GNS: variants seen among roughly 807,000 people sequenced by gnomAD.
GNS encodes the protein glucosamine (N-acetyl)-6-sulfatase.
A neutral mutation model predicts 69.7 loss-of-function variants in GNS; 40 were observed. That is an observed-to-expected ratio of 0.57 (90% CI 0.45 to 0.75). The LOEUF is 0.75. GNS is among the 30% of genes least tolerant of loss of function. GNS has a pLI of 0.00. For synonymous variants in GNS, 243 were observed against 251.6 expected, an observed-to-expected ratio of 0.97 and a Z score of 0.32; for missense variants, 565 against 685.5, an observed-to-expected ratio of 0.82 and a Z score of 1.96.
At chr12:64,746,350 C>T (rs918198632) in intron 3 of GNS, 1 of 152,390 alleles carries the variant, frequency 6.6e-6, no homozygotes, top group Non-Finnish European at 1.5e-5. Flanking sequence ...GTTGAACATC[C>T]CAAATCTGAA....
chr12:64,734,579 A>G (rs1275623124), intron 9 of GNS, among the ~76,000 whole-genome samples: 3 of 152,238 alleles, frequency 2.0e-5, no homozygotes, highest in Non-Finnish European at 2.9e-5. Context: ...CCGCTTAGGA[A>G]GTACAAGGAG....
chr12:64,753,602 T>G (rs759779947), intron 1 of GNS, among the ~76,000 whole-genome samples: 10 of 152,240 alleles, frequency 6.6e-5, no homozygotes, highest in Non-Finnish European at 1.2e-4. Flanking sequence ...TGAATGCAGT[T>G]TTAAGTATAT....
intron 10 of GNS, among the ~76,000 whole-genome samples, chr12:64,728,686 C>T (rs1435728290): frequency 1.3e-5 from 2 of 152,182 alleles, no homozygotes; most frequent in African/African-American, 2.4e-5. Context: ...TGTATTTGGA[C>T]TAATGACTCT....
intron 1 of GNS, 83 bp from the exon 2 acceptor site, chr12:64,752,840 C>G (rs1026511181): frequency 2.6e-5 from 20 of 757,578 alleles, no homozygotes; most frequent in African/African-American, 1.9e-4. Context: ...TTTGTTACAT[C>G]TTACTCAATC....
rs1263703439 is a variant in GNS, at chr12:64,728,992, C to T, written c.1164G>A (p.Lys388=). 2.1e-5 allele frequency: 34 copies of T among 1,599,238 alleles called. No homozygotes were observed. Among genetic ancestry groups the T allele is most frequent in the Non-Finnish European group, 2.9e-5 (34 of 1,166,582 alleles). The change falls in exon 10 of 14, where the codon AAG becomes AAA. Residue 388 remains lysine (K), a synonymous_variant. Transcript: ENST00000258145. ...ILDIAGYDLN[K]TQMDGMSLLP... is the part of the protein sequence containing the mutation. ...ATAAGGACATCCCATCCATCTGTGTCTTATTTAGGTCGTAGCCAGCAATGT... is the reference window on the plus strand; with the variant it reads ...ATAAGGACATCCCATCCATCTGTGTTTTATTTAGGTCGTAGCCAGCAATGT...
chr12:64,721,762 TA>T, intron 11 of GNS, 57 bp from the exon 12 acceptor site: 1 of 918,302 alleles, frequency 1.1e-6, no homozygotes, highest in Non-Finnish European at 1.8e-6. Flanking sequence ...AACAAATACC[TA>T]GTTGCCTAGA....
chr12:64,716,766 C>T lies in GNS; in HGVS notation c.1634G>A (p.Arg545Gln), dbSNP rs756752200. 1.1e-5 allele frequency: 17 copies of T among 1,612,792 alleles called. No homozygotes were observed. Among genetic ancestry groups the T allele is most frequent in the Admixed American group, 3.3e-5 (2 of 59,990 alleles). ...CTACAGAAGATGTTTGGAAAATCTT[C>T]GAGTCCTGACACTGCCGCGATTGCT... The part of the protein sequence containing the change: ...MFSNRGSVRT[R>Q]RFSKHLL Residue 545 changes from arginine (R) to glutamine (Q), a missense_variant, in exon 14 of 14, where the codon CGA becomes CAA. Physicochemically the swap from Arg to Gln is conservative, Grantham distance 43. Transcript: ENST00000258145.
At chr12:64,750,409 T>C (rs999148207) in intron 2 of GNS, among the ~76,000 whole-genome samples, 3 of 152,044 alleles carry the variant, frequency 2.0e-5, no homozygotes, top group Admixed American at 6.6e-5. Flanking sequence ...TTGCCCAGGC[T>C]GGTCTCAAAC....
intron 3 of GNS, among the ~76,000 whole-genome samples, chr12:64,746,935 C>G (rs1277760990): frequency 6.6e-6 from 1 of 152,218 alleles, no homozygotes; most frequent in Admixed American, 6.5e-5. Flanking sequence ...ATTAAGATCT[C>G]TAGCAACTAC....
At chr12:64,723,202 G>C (rs1869087381) in intron 10 of GNS, 89 bp from the exon 11 acceptor site, 1 of 815,758 alleles carries the variant, frequency 1.2e-6, no homozygotes, top group African/African-American at 1.7e-5. Context: ...GGACCTGGGA[G>C]TCAAAAGTAA....
intron 9 of GNS, among the ~76,000 whole-genome samples, chr12:64,735,294 CT>C (rs1165436716): frequency 6.6e-6 from 1 of 152,190 alleles, no homozygotes; most frequent in East Asian, 1.9e-4. Context: ...GGCTCTGCTA[CT>C]TTTTGGCTAC....
At chr12:64,733,297 CAA>C (rs961321163) in intron 9 of GNS, among the ~76,000 whole-genome samples, 1,052 of 26,446 alleles carry the variant, frequency 0.04, 7 homozygotes, top group African/African-American at 0.071. Flanking sequence ...GACCCTGTCT[CAA>C]AAAAAAAAAA....
intron 10 of GNS, 121 bp downstream of exon 10, chr12:64,728,835 T>C: frequency 4.5e-6 from 3 of 667,862 alleles, no homozygotes; most frequent in Non-Finnish European, 8.2e-6. Flanking sequence ...CTCCTTCCCA[T>C]CACAAGATTT....
At chr12:64,728,526 A>C (rs2136240330) in intron 10 of GNS, among the ~76,000 whole-genome samples, 4 of 152,352 alleles carry the variant, frequency 2.6e-5, no homozygotes, top group Middle Eastern at 6.8e-3. Flanking sequence ...GTTCACAGAG[A>C]GAGGTCTCCT....
chr12:64,739,336 G>C (rs752406304), intron 8 of GNS, 45 bp downstream of exon 8: 1 of 952,042 alleles, frequency 1.1e-6, no homozygotes, highest in Non-Finnish European at 1.7e-6. Context: ...AAAAAGGAAA[G>C]ACATATTCTC....
chr12:64,719,393 C>T (rs1177796015), intron 13 of GNS, among the ~76,000 whole-genome samples: 2 of 152,184 alleles, frequency 1.3e-5, no homozygotes, highest in Non-Finnish European at 2.9e-5. Context: ...GTTCCTGCCA[C>T]CAGCAGCTCA....
intron 2 of GNS, among the ~76,000 whole-genome samples, chr12:64,749,652 T>G (rs1193289409): frequency 6.6e-6 from 1 of 152,228 alleles, no homozygotes; most frequent in Non-Finnish European, 1.5e-5. Context: ...GCTCATTTTT[T>G]TCCCCCAGGG....
intron 11 of GNS, among the ~76,000 whole-genome samples, chr12:64,722,208 G>C (rs935768528): frequency 6.6e-6 from 1 of 152,024 alleles, no homozygotes; most frequent in African/African-American, 2.4e-5. Flanking sequence ...AGTAGAGATG[G>C]GGTTTCGGCA....
chr12:64,730,490 G>C (rs1869354624), intron 9 of GNS, among the ~76,000 whole-genome samples: 1 of 145,596 alleles, frequency 6.9e-6, no homozygotes, highest in African/African-American at 2.5e-5. Flanking sequence ...CAGGTTTCCT[G>C]ATGGCCAGGA....
Sources: gnomAD v4.1 joint callset for allele counts (sites outside exome capture counted in the v4.1 genomes callset) on GRCh38, gnomAD v4.1.1 for gene constraint, MANE v1.5 for transcripts, NCBI Gene and HGNC (gene_info 2026-07-23, HGNC 2026-07-21) for gene names.